DIS3L: variants seen among roughly 807,000 people sequenced by gnomAD.
DIS3L encodes DIS3-like exonuclease 1.
In DIS3L, 100 loss-of-function variants were observed where a neutral mutation model predicts 120.3. The ratio of observed to expected loss-of-function variants is 0.83; its 90% CI spans 0.71 to 0.98. The LOEUF (loss-of-function observed/expected upper bound fraction) is 0.98, where lower values mean the gene tolerates loss of function less well. DIS3L is among the 50% of genes least tolerant of loss of function. The pLI is 0.00. For missense variants in DIS3L, 1,196 were observed against 1,314.2 expected, an observed-to-expected ratio of 0.91 and a Z score of 1.39; for synonymous variants, 426 against 470.6, an observed-to-expected ratio of 0.91 and a Z score of 1.23.
chr15:66,332,911 G>GT lies in DIS3L; in HGVS notation c.2856+2dup, dbSNP rs776425231. ...GTTCCATTTGTTTGACCATGTAACCGTAAGTCTGTGTTTCTATTAAGTATT... is the reference window on the plus strand; with the variant it reads ...GTTCCATTTGTTTGACCATGTAACCGTTAAGTCTGTGTTTCTATTAAGTATT... On this transcript the variant is annotated splice_donor_variant, in intron 16 of 16. Coordinates refer to ENST00000319212, the MANE Select transcript of DIS3L (RefSeq NM_001143688.3). LOFTEE classifies it high-confidence loss of function. 3.1e-6 allele frequency: 5 copies of GT among 1,607,254 alleles called. No homozygotes were observed. The highest frequency in any genetic ancestry group is 1.1e-5 in the South Asian group (1 of 89,514).
At position 66,322,678 on chromosome 15, in the gene DIS3L, C is replaced by T; in HGVS notation, c.1327-9C>T. The T allele has an allele frequency of 6.2e-7, 1 of 1,612,876 alleles. No homozygotes were observed. The highest frequency in any genetic ancestry group is 8.5e-7 in the Non-Finnish European group (1 of 1,179,172). On this transcript the variant is annotated splice_polypyrimidine_tract_variant and intron_variant, in intron 9 of 16. Coordinates refer to ENST00000319212, the MANE Select transcript of DIS3L (RefSeq NM_001143688.3). ...GCATGAATTGCTGAATATTTGGTTT[C>T]TCATACAGATGTGTGAGATGCCAGT...
At chr15:66,318,677 A>T in intron 8 of DIS3L, 59 bp downstream of exon 8, 2 of 1,539,642 alleles carry the variant, frequency 1.3e-6, no homozygotes, top group South Asian at 2.4e-5. Context: ...TGTCTTTACC[A>T]GCTTTTTAGC....
In DIS3L at chr15:66,330,285, A is replaced by C. The variant is rs1000223584; in HGVS notation, c.2535+886A>C. 3.9e-5 allele frequency: 38 copies of C among 985,214 alleles called. No homozygotes were observed. In the African/African-American group the frequency reaches 4.7e-4, roughly 12 times the overall value. 61.0% of individuals were successfully genotyped at this position (985,214 alleles called of 1,614,324 possible). The stretch of plus-strand genomic sequence containing the variant: ...GCACTCTGGCCTGGGTGACAGAGCG[A>C]AACTCCGTCTAAAAAAAAAAAATCA... On this transcript the variant is annotated intron_variant, in intron 14 of 16. Transcript: ENST00000319212.
rs145164695 is a variant in DIS3L at position 66,326,925 on chromosome 15, C to G, written c.2201+561C>G. ...CCACTACAATTTGGGTTTTTTTGTTCGGTTGGTTTTTTTTTTTTCTTTGAG... is the reference window on the plus strand; with the variant it reads ...CCACTACAATTTGGGTTTTTTTGTTGGGTTGGTTTTTTTTTTTTCTTTGAG... On this transcript the variant is annotated intron_variant, in intron 12 of 16. Transcript: ENST00000319212. Among the ~76,000 whole-genome samples, 4 of 148,156 alleles carry G rather than the reference C, an allele frequency of 2.7e-5. No individual in the cohort carries two copies. The Admixed American group carries it at 2.7e-4, about 10-fold the overall frequency.
chr15:66,296,512 C>CTTT (rs3082898), intron 2 of DIS3L, among the ~76,000 whole-genome samples: 1 of 133,880 alleles, frequency 7.5e-6, no homozygotes, highest in African/African-American at 2.8e-5. Flanking sequence ...AAAAAGAAGT[C>CTTT]TTTTTTTTTT....
In DIS3L at chr15:66,326,298, C is replaced by T. The variant is rs2092937331; in HGVS notation, c.2135C>T (p.Pro712Leu). The T allele has an allele frequency of 6.2e-7, 1 of 1,614,088 alleles. No individual in the cohort carries two copies. The highest frequency in any genetic ancestry group is 8.5e-7 in the Non-Finnish European group (1 of 1,180,030). The change falls in exon 12 of 17, where the codon CCA (proline) becomes CTA (leucine). Residue 712 changes from proline to leucine, a missense_variant. By Grantham distance (98) the Pro-to-Leu change is moderately conservative. Coordinates refer to ENST00000319212, the MANE Select transcript of DIS3L (RefSeq NM_001143688.3). ...HQALLRQHPP[P>L]HQEFFSELRE... Reference sequence around the variant, plus strand: ...GCCTTGCTGCGCCAGCACCCTCCTCCACACCAGGAGTTCTTTTCAGAACTC... The same window carrying T: ...GCCTTGCTGCGCCAGCACCCTCCTCTACACCAGGAGTTCTTTTCAGAACTC...
rs1295175294 is a variant in DIS3L at position 66,322,775 on chromosome 15, A to G, written c.1415A>G (p.His472Arg). Residue 472 changes from histidine to arginine, a missense_variant, in exon 10 of 17, where the codon CAT (histidine) becomes CGT (arginine). By Grantham distance (29) the His-to-Arg change is conservative (BLOSUM62 0). Coordinates refer to ENST00000319212, the MANE Select transcript of DIS3L (RefSeq NM_001143688.3). ...EQKRKDLRKS[H>R]LVFSIDPKGC... Reference sequence around the variant, plus strand: ...AAACGTAAAGACTTGAGGAAAAGCCATCTCGTATTCAGCATTGACCCCAAA... The same window carrying G: ...AAACGTAAAGACTTGAGGAAAAGCCGTCTCGTATTCAGCATTGACCCCAAA... 3.7e-6 allele frequency: 6 copies of G among 1,614,082 alleles called. No homozygotes were observed. The highest frequency in any genetic ancestry group is 2.2e-5 in the East Asian group (1 of 44,888).
At position 66,314,117 on chromosome 15, in the gene DIS3L, G is replaced by A; in HGVS notation, c.814G>A (p.Asp272Asn). 3 of 1,503,512 alleles carry A rather than the reference G, an allele frequency of 2.0e-6. No individual in the cohort carries two copies. Among genetic ancestry groups the A allele is most frequent in the East Asian group, 2.5e-5 (1 of 40,808 alleles). 93.1% of individuals were successfully genotyped at this position (1,503,512 alleles called of 1,614,324 possible). A position where few individuals can be genotyped will look rare whatever the true frequency, so the allele number is the denominator to read the frequency against. ...RLQGASSKDS[D>N]LVSDILIHGM... ...TCAAGGAGCCAGCAGTAAAGATTCA[G>A]GTTCAGTATAAACCTTACATAAATT... Residue 272 changes from aspartate to asparagine, a missense_variant and splice_region_variant, in exon 6 of 17, where the codon GAT (aspartate) becomes AAT (asparagine). By Grantham distance (23) the Asp-to-Asn change is conservative. Transcript: ENST00000319212.
At position 66,333,318 on chromosome 15, in the gene DIS3L, TCTTA is replaced by T. The variant is rs767481803; in HGVS notation, c.*10_*13del. The stretch of plus-strand genomic sequence containing the variant: ...CAAACAATTATGGAATATGAGAGGC[TCTTA>T]CTTCACTAAGAGCTGTCATATGTGA... On this transcript the variant is annotated 3_prime_UTR_variant, in exon 17 of 17. Transcript: ENST00000319212. 1.5e-5 allele frequency: 24 copies of T among 1,584,212 alleles called. No individual in the cohort carries two copies. The African/African-American group carries it at 3.0e-4, about 20-fold the overall frequency.
rs1194415124 is a variant in DIS3L, at chr15:66,295,715, TAAATG to T, written c.293+577_293+581del. On this transcript the variant is annotated intron_variant, in intron 2 of 16. Transcript: ENST00000319212. Reference sequence around the variant, plus strand: ...AAGTCTAAAATTCTTGCCTAGTACTTAAATGAAGAATAGCTGTCTACCTTTTAAAC... The same window carrying T: ...AAGTCTAAAATTCTTGCCTAGTACTTAAGAATAGCTGTCTACCTTTTAAAC... Among the ~76,000 whole-genome samples, 30 of 152,366 alleles carry T rather than the reference TAAATG, an allele frequency of 2.0e-4. No individual in the cohort carries two copies. In the East Asian group the frequency reaches 5.4e-3, roughly 27 times the overall value.
At chr15:66,312,970 T>A (rs1468628256) in intron 5 of DIS3L, among the ~76,000 whole-genome samples, 2 of 151,938 alleles carry the variant, frequency 1.3e-5, no homozygotes, top group Non-Finnish European at 2.9e-5. Context: ...AGGACTTTTT[T>A]TAATTTTAAT....
At chr15:66,317,382 A>T (rs943074753) in intron 7 of DIS3L, among the ~76,000 whole-genome samples, 2 of 151,488 alleles carry the variant, frequency 1.3e-5, no homozygotes, top group African/African-American at 4.8e-5. Context: ...GAACATTTTT[A>T]ATTATTAAAG....
Position 66,308,790 on chromosome 15 carries a change from G to A in DIS3L, c.504G>A (p.Glu168=). ...MPIVMVTEDE[E]AIQQYGSETE... is the part of the protein sequence containing the mutation. ...TTGTTATGGTGACAGAAGATGAAGAGGCAATTCAGCAGTATGGAAGTGAAA... is the reference window on the plus strand; with the variant it reads ...TTGTTATGGTGACAGAAGATGAAGAAGCAATTCAGCAGTATGGAAGTGAAA... Residue 168 remains glutamate (E), a synonymous_variant, in exon 4 of 17, where the codon GAG becomes GAA. Transcript: ENST00000319212. 3 of 1,613,472 alleles carry A rather than the reference G, an allele frequency of 1.9e-6. No individual in the cohort carries two copies. Among genetic ancestry groups the A allele is most frequent in the Non-Finnish European group, 2.5e-6 (3 of 1,179,700 alleles).
intron 10 of DIS3L, 91 bp from the exon 11 acceptor site, chr15:66,323,402 T>G: frequency 8.1e-7 from 1 of 1,233,642 alleles, no homozygotes; most frequent in Non-Finnish European, 1.2e-6. Context: ...TGTAGTGAGA[T>G]TTTGGCCATT....
chr15:66,309,201 G>A (rs956498742), intron 4 of DIS3L, among the ~76,000 whole-genome samples: 6 of 148,286 alleles, frequency 4.0e-5, no homozygotes, highest in Admixed American at 1.4e-4. Context: ...GCAGTGAGCC[G>A]TGAACACACC....
intron 12 of DIS3L, among the ~76,000 whole-genome samples, chr15:66,327,828 G>A (rs1198733819): frequency 1.3e-5 from 2 of 152,176 alleles, no homozygotes; most frequent in African/African-American, 2.4e-5. Context: ...TTGGGAGGCT[G>A]AGGCAGGCAC....
At chr15:66,313,027 C>T (rs1046835002) in intron 5 of DIS3L, among the ~76,000 whole-genome samples, 5 of 151,872 alleles carry the variant, frequency 3.3e-5, no homozygotes, top group African/African-American at 1.2e-4. Context: ...GACCCAGTCT[C>T]GTTCTATCAC....
intron 2 of DIS3L, among the ~76,000 whole-genome samples, chr15:66,305,950 G>A (rs2092698752): frequency 6.6e-6 from 1 of 152,168 alleles, no homozygotes; most frequent in African/African-American, 2.4e-5. Flanking sequence ...GAGACTTGAT[G>A]TTTGATTTAT....
At chr15:66,303,338 A>G (rs1053278559) in intron 2 of DIS3L, among the ~76,000 whole-genome samples, 4 of 152,072 alleles carry the variant, frequency 2.6e-5, no homozygotes, top group Non-Finnish European at 5.9e-5. Flanking sequence ...ATCGTATGGT[A>G]TGTCTATTTT....
Sources: allele counts gnomAD v4.1 joint callset (sites outside exome capture counted in the v4.1 genomes callset), GRCh38; gene constraint gnomAD v4.1.1; transcripts MANE v1.5; gene names NCBI Gene and HGNC (gene_info 2026-07-23, HGNC 2026-07-21).